Variants in CTIF observed in about 807,000 individuals in gnomAD.
The protein encoded by CTIF is CBP80/20-dependent translation initiation factor.
In CTIF, 21 loss-of-function variants were observed where a neutral mutation model predicts 66.0. The ratio of observed to expected loss-of-function variants is 0.32; its 90% CI spans 0.23 to 0.46. The LOEUF is 0.46. Among genes scored for constraint, CTIF ranks in the 20% least tolerant of loss-of-function variants. The pLI, the probability that CTIF is intolerant of heterozygous loss-of-function variation, is 1.00. For missense variants in CTIF, 739 were observed against 812.7 expected (o/e 0.91, Z 1.10); for synonymous variants, 345 against 326.4 (o/e 1.06, Z -0.62).
intron 9 of CTIF, among the ~76,000 whole-genome samples, chr18:48,762,636 A>ATGAAACTAATGAAGTAGTT (rs758427327): frequency 2.6e-5 from 4 of 152,246 alleles, no homozygotes; most frequent in Non-Finnish European, 4.4e-5. Flanking sequence ...TTTCCAAGTA[A>ATGAAACTAATGAAGTAGTT]TGAAGTAGAA....
chr18:48,748,018 AT>A (rs2145796327), intron 7 of CTIF, among the ~76,000 whole-genome samples: 1 of 152,210 alleles, frequency 6.6e-6, no homozygotes, highest in South Asian at 2.1e-4. Context: ...GGCCAAAGTA[AT>A]GGAGAAAGCA....
intron 9 of CTIF, among the ~76,000 whole-genome samples, chr18:48,763,987 G>A (rs946641909): frequency 3.4e-4 from 52 of 152,252 alleles, no homozygotes; most frequent in African/African-American, 1.3e-3. Flanking sequence ...TGTCTCTGGA[G>A]CAGAGAACTG....
chr18:48,726,929 C>T (rs975132385), intron 7 of CTIF, among the ~76,000 whole-genome samples: 3 of 152,128 alleles, frequency 2.0e-5, no homozygotes, highest in African/African-American at 7.2e-5. Flanking sequence ...ATTATAGCAT[C>T]AGCTCCAAGT....
intron 1 of CTIF, among the ~76,000 whole-genome samples, chr18:48,587,332 G>A (rs536758716): frequency 1.3e-5 from 2 of 152,082 alleles, no homozygotes; most frequent in East Asian, 3.9e-4. Context: ...CATCCACCTC[G>A]GCCTCCCAGA....
chr18:48,728,318 C>T (rs550127314), intron 7 of CTIF, among the ~76,000 whole-genome samples: 67 of 152,328 alleles, frequency 4.4e-4, no homozygotes, highest in African/African-American at 1.5e-3. Context: ...CTGCCCAGTA[C>T]CAAAGCCACT....
At position 48,857,450 on chromosome 18, in the gene CTIF, C is replaced by G. The variant is rs549251647; in HGVS notation, c.1528-138C>G. 1.6e-4 allele frequency: 112 copies of G among 689,178 alleles called. 1 individual carries two copies. The highest frequency in any genetic ancestry group is 1.9e-4 in the Non-Finnish European group (79 of 419,672). The allele number at this position is 689,178 out of a possible 1,614,324, so 42.7% of individuals were successfully genotyped here. On this transcript the variant is annotated intron_variant, in intron 10 of 11. Transcript: ENST00000256413. ...TCTCTGACTTTTGTGGGCTCTCACT[C>G]TAGCCTGAACCTTGGAGATGTTTGT...
chr18:48,635,391 A>G (rs56111859), intron 2 of CTIF, among the ~76,000 whole-genome samples: 518 of 137,810 alleles, frequency 3.8e-3, no homozygotes, highest in African/African-American at 0.014. Context: ...TGGCACGACC[A>G]CAGCTCACTG....
At chr18:48,852,695 GAGGTCC>G (rs576004701) in intron 10 of CTIF, among the ~76,000 whole-genome samples, 163 of 152,324 alleles carry the variant, frequency 1.1e-3, no homozygotes, top group African/African-American at 3.8e-3. Context: ...CTTGTTGGGA[GAGGTCC>G]AGGTTACTTT....
At chr18:48,685,770 G>T (rs1025114801) in intron 6 of CTIF, among the ~76,000 whole-genome samples, 4 of 151,838 alleles carry the variant, frequency 2.6e-5, no homozygotes, top group African/African-American at 9.7e-5. Context: ...TCTGCCTCCT[G>T]GGTTCAAGTG....
At chr18:48,843,554 T>C (rs938130755) in intron 10 of CTIF, among the ~76,000 whole-genome samples, 1 of 151,786 alleles carries the variant, frequency 6.6e-6, no homozygotes, top group African/African-American at 2.4e-5. Context: ...CCATTTATAA[T>C]GGGGGCCCTG....
At chr18:48,618,314 C>T (rs1189684672) in intron 1 of CTIF, among the ~76,000 whole-genome samples, 1 of 152,240 alleles carries the variant, frequency 6.6e-6, no homozygotes, top group South Asian at 2.1e-4. Flanking sequence ...TCACGCTGCT[C>T]TATATGGCTT....
intron 9 of CTIF, among the ~76,000 whole-genome samples, chr18:48,796,406 G>A (rs1014124030): frequency 2.0e-5 from 3 of 152,076 alleles, no homozygotes; most frequent in African/African-American, 7.2e-5. Flanking sequence ...TCCATATCCT[G>A]ACCTCGCAAT....
At chr18:48,677,284 G>T (rs1013650562) in intron 6 of CTIF, among the ~76,000 whole-genome samples, 1 of 152,160 alleles carries the variant, frequency 6.6e-6, no homozygotes, top group Non-Finnish European at 1.5e-5. Flanking sequence ...TGGTCCCACG[G>T]AGGTGAGGTC....
chr18:48,697,796 G>T (rs1193096061), intron 6 of CTIF, among the ~76,000 whole-genome samples: 1 of 152,120 alleles, frequency 6.6e-6, no homozygotes, highest in Non-Finnish European at 1.5e-5. Flanking sequence ...TGACATGTGA[G>T]GGGGTAGTGA....
At chr18:48,638,111 C>T in intron 3 of CTIF, among the ~76,000 whole-genome samples, 1 of 152,024 alleles carries the variant, frequency 6.6e-6, no homozygotes, top group Non-Finnish European at 1.5e-5. Flanking sequence ...TGCTCCCTGA[C>T]CCCCTAGCTT....
At chr18:48,841,412 G>A (rs886486750) in intron 10 of CTIF, among the ~76,000 whole-genome samples, 3 of 152,272 alleles carry the variant, frequency 2.0e-5, no homozygotes, top group East Asian at 1.9e-4. Flanking sequence ...CAGCGCCCTC[G>A]TGGCCCCGGC....
intron 7 of CTIF, among the ~76,000 whole-genome samples, chr18:48,729,394 C>T (rs1430181250): frequency 6.6e-6 from 1 of 152,190 alleles, no homozygotes; most frequent in African/African-American, 2.4e-5. Flanking sequence ...GAAATCCTTG[C>T]ATCTGTCAGA....
chr18:48,652,310 T>C (rs1306056685), intron 3 of CTIF, among the ~76,000 whole-genome samples: 2 of 152,126 alleles, frequency 1.3e-5, no homozygotes, highest in Admixed American at 6.5e-5. Flanking sequence ...ATATCACCAC[T>C]GATCCCACAG....
chr18:48,702,561 CA>C (rs999367142), intron 6 of CTIF, among the ~76,000 whole-genome samples: 1 of 152,174 alleles, frequency 6.6e-6, no homozygotes, highest in African/African-American at 2.4e-5. Context: ...CAATGTGTGG[CA>C]GGTGGAGGCA....
Sources: gnomAD v4.1 joint callset for allele counts (sites outside exome capture counted in the v4.1 genomes callset) on GRCh38, gnomAD v4.1.1 for gene constraint, MANE v1.5 for transcripts, NCBI Gene and HGNC (gene_info 2026-07-23, HGNC 2026-07-21) for gene names.